SCN3A: variants seen among roughly 807,000 people sequenced by gnomAD.
SCN3A encodes the protein sodium channel protein type 3 subunit alpha.
Under a neutral mutation model 187.6 loss-of-function variants are expected in SCN3A, and 60 were observed. The ratio of observed to expected loss-of-function variants is 0.32; its 90% CI spans 0.26 to 0.40. SCN3A has a LOEUF of 0.40. Ranked by LOEUF, SCN3A falls within the 10% of genes least tolerant of loss-of-function variation. The pLI is 1.00. For synonymous variants in SCN3A, 788 were observed against 829.2 expected, an observed-to-expected ratio of 0.95 and a Z score of 0.85; for missense variants, 1,601 against 2,428.2, an observed-to-expected ratio of 0.66 and a Z score of 7.16.
chr2:165,179,418 C>T (rs1330627481), intron 2 of SCN3A: 1 of 152,144 alleles, frequency 6.6e-6, no homozygotes, highest in Non-Finnish European at 1.5e-5. Context: ...TTAGAAATAA[C>T]ATTAGGTTTA....
chr2:165,170,801 A>C (rs1446226706), intron 3 of SCN3A, among the ~76,000 whole-genome samples: 1 of 151,974 alleles, frequency 6.6e-6, no homozygotes. Context: ...AATTCTACAC[A>C]AATTTTTTTA....
intron 2 of SCN3A, among the ~76,000 whole-genome samples, chr2:165,182,384 T>C (rs1392053552): frequency 6.6e-6 from 1 of 152,192 alleles, no homozygotes; most frequent in African/African-American, 2.4e-5. Context: ...TTTCCCTAGC[T>C]GTACAATGGA....
At chr2:165,133,464 G>C (rs1413462912) in intron 15 of SCN3A, among the ~76,000 whole-genome samples, 1 of 151,678 alleles carries the variant, frequency 6.6e-6, no homozygotes, top group African/African-American at 2.4e-5. Flanking sequence ...CAGCCTCCCA[G>C]GTAGCTGGGA....
chr2:165,107,963 T>C (rs772568937), intron 21 of SCN3A, among the ~76,000 whole-genome samples: 2 of 152,212 alleles, frequency 1.3e-5, no homozygotes, highest in Non-Finnish European at 2.9e-5. Context: ...TGGCCACTTA[T>C]TAGTTCCGTT....
At chr2:165,171,180 C>CTATG (rs1414487517) in intron 3 of SCN3A, among the ~76,000 whole-genome samples, 2 of 152,040 alleles carry the variant, frequency 1.3e-5, no homozygotes, top group Admixed American at 1.3e-4. Context: ...TTAGTATTAG[C>CTATG]TATGCTACAA....
intron 21 of SCN3A, 112 bp from the exon 22 acceptor site, chr2:165,100,536 G>A: frequency 9.0e-7 from 1 of 1,106,896 alleles, no homozygotes; most frequent in Non-Finnish European, 1.3e-6. Flanking sequence ...GACATACCTT[G>A]GCAACTTTCA....
At chr2:165,182,800 G>C (rs987800660) in intron 2 of SCN3A, among the ~76,000 whole-genome samples, 1 of 151,866 alleles carries the variant, frequency 6.6e-6, no homozygotes, top group African/African-American at 2.4e-5. Flanking sequence ...GTCTGGGCTC[G>C]GGTAAAGTTG....
intron 21 of SCN3A, among the ~76,000 whole-genome samples, chr2:165,104,455 C>G (rs955423973): frequency 2.0e-5 from 3 of 151,542 alleles, no homozygotes; most frequent in Non-Finnish European, 2.9e-5. Flanking sequence ...TACCTCACAC[C>G]TTACACCAAA....
chr2:165,121,760 A>T (rs900173801), intron 18 of SCN3A, among the ~76,000 whole-genome samples: 1 of 152,150 alleles, frequency 6.6e-6, no homozygotes, highest in African/African-American at 2.4e-5. Context: ...CAGAACCCGC[A>T]CTCTGGCTGA....
intron 18 of SCN3A, 77 bp from the exon 19 acceptor site, chr2:165,115,652 G>T: frequency 3.6e-6 from 5 of 1,382,018 alleles, no homozygotes; most frequent in Non-Finnish European, 4.1e-6. Context: ...GTGTCATTGT[G>T]TGAAAAAAAA....
At chr2:165,197,127 A>G (rs1278842252) in intron 1 of SCN3A, among the ~76,000 whole-genome samples, 1 of 152,142 alleles carries the variant, frequency 6.6e-6, no homozygotes, top group African/African-American at 2.4e-5. Flanking sequence ...CACATAAATA[A>G]ATGCCAGTGT....
chr2:165,129,109 A>G (rs970661482), intron 17 of SCN3A, among the ~76,000 whole-genome samples: 12 of 152,162 alleles, frequency 7.9e-5, no homozygotes, highest in African/African-American at 2.9e-4. Flanking sequence ...AAAAAATTAC[A>G]TGTTCGTAGG....
chr2:165,162,254 C>A, intron 9 of SCN3A, 54 bp downstream of exon 9: 1 of 1,347,488 alleles, frequency 7.4e-7, no homozygotes, highest in Non-Finnish European at 1.0e-6. Context: ...TTCCTACCTA[C>A]TTTTTTTTTT....
At chr2:165,198,623 C>T (rs1314433011) in intron 1 of SCN3A, among the ~76,000 whole-genome samples, 4 of 151,944 alleles carry the variant, frequency 2.6e-5, no homozygotes, top group Admixed American at 6.6e-5. Flanking sequence ...AGTGAGAAGG[C>T]GTTTTCCATT....
Position 165,091,308 on chromosome 2 carries a change from C to A in SCN3A, c.4845G>T (p.Val1615=). The A allele has an allele frequency of 1.2e-6, 2 of 1,614,054 alleles. No individual in the cohort carries two copies. Among genetic ancestry groups the A allele is most frequent in the South Asian group, 2.2e-5 (2 of 91,090 alleles). The change falls in exon 28 of 28, where the codon GTG becomes GTT. Residue 1615 remains valine (V), a synonymous_variant. Coordinates refer to ENST00000283254, the MANE Select transcript of SCN3A (RefSeq NM_006922.4). ...FLAEMIEKYF[V]SPTLFRVIRL... is the part of the protein sequence containing the mutation. ...GGATCACTCGGAACAAGGTAGGGGA[C>A]ACAAAATACTTTTCTATCATCTCAG...
At chr2:165,183,898 G>A (rs1316176419) in intron 2 of SCN3A, among the ~76,000 whole-genome samples, 3 of 152,120 alleles carry the variant, frequency 2.0e-5, no homozygotes, top group East Asian at 3.9e-4. Context: ...GTATTTTCAC[G>A]TCTTTGAGAA....
At chr2:165,139,325 C>A (rs1559220933) in intron 14 of SCN3A, 151 bp downstream of exon 14, 6 of 1,063,186 alleles carry the variant, frequency 5.6e-6, no homozygotes, top group Non-Finnish European at 8.3e-6. Flanking sequence ...TTTTTGTAAT[C>A]AATGTGATAA....
intron 5 of SCN3A, among the ~76,000 whole-genome samples, chr2:165,166,931 G>A (rs751885311): frequency 6.0e-5 from 9 of 149,116 alleles, no homozygotes; most frequent in Non-Finnish European, 1.3e-4. Context: ...ACAGAGTTTC[G>A]CTCTGTCGTC....
At chr2:165,152,330 A>AC (rs1491359674) in intron 11 of SCN3A, among the ~76,000 whole-genome samples, 1 of 152,208 alleles carries the variant, frequency 6.6e-6, no homozygotes, top group African/African-American at 2.4e-5. Context: ...TATAAAAAAG[A>AC]CACAGATCAA....
Sources: allele counts gnomAD v4.1 joint callset (sites outside exome capture counted in the v4.1 genomes callset), GRCh38; gene constraint gnomAD v4.1.1; transcripts MANE v1.5; gene names NCBI Gene and HGNC (gene_info 2026-07-23, HGNC 2026-07-21).